Variants in SOAT1 observed in about 807,000 individuals in gnomAD.
The protein encoded by SOAT1 is sterol O-acyltransferase 1, also known as acyl-coenzyme A:cholesterol acyltransferase 1.
SOAT1 carries 55 observed loss-of-function variants against 69.5 expected under a neutral mutation model. That is an observed-to-expected ratio of 0.79 (90% confidence interval 0.64 to 0.99). SOAT1 has a LOEUF of 0.99. Among genes scored for constraint, SOAT1 ranks in the 50% least tolerant of loss-of-function variants. The pLI is 0.00. For synonymous variants in SOAT1, 231 were observed against 224.7 expected, an observed-to-expected ratio of 1.03 and a Z score of -0.25; for missense variants, 580 against 669.3, an observed-to-expected ratio of 0.87 and a Z score of 1.47.
chr1:179,342,307 CTTTT>C (rs1188656810), intron 8 of SOAT1, 115 bp downstream of exon 8: 1 of 600,524 alleles, frequency 1.7e-6, no homozygotes, highest in African/African-American at 2.0e-5. Context: ...CTCCCTCTCT[CTTTT>C]TCTCTTTCTC....
At chr1:179,338,242 G>A (rs969705776) in intron 5 of SOAT1, among the ~76,000 whole-genome samples, 1 of 152,028 alleles carries the variant, frequency 6.6e-6, no homozygotes, top group African/African-American at 2.4e-5. Context: ...CAAAAAATTA[G>A]CCAGGCTTGG....
intron 5 of SOAT1, among the ~76,000 whole-genome samples, chr1:179,338,601 T>C (rs1445419368): frequency 6.6e-6 from 1 of 152,176 alleles, no homozygotes; most frequent in East Asian, 1.9e-4. Context: ...TCTGTTACAC[T>C]GTAGTTTGAA....
chr1:179,300,470 A>G (rs1338623869), intron 1 of SOAT1, among the ~76,000 whole-genome samples: 1 of 152,118 alleles, frequency 6.6e-6, no homozygotes, highest in Non-Finnish European at 1.5e-5. Flanking sequence ...ATATCATAAC[A>G]TTTCTACTTG....
chr1:179,338,418 C>G (rs1000042421), intron 5 of SOAT1, among the ~76,000 whole-genome samples: 8 of 151,938 alleles, frequency 5.3e-5, no homozygotes, highest in African/African-American at 1.9e-4. Flanking sequence ...GCAAGGCTGT[C>G]TCAATAAAAA....
At position 179,357,910 on chromosome 1, in the gene SOAT1, A is replaced by G. The variant is rs948921430; in HGVS notation, c.*4269A>G. 5.3e-5 allele frequency: 8 copies of G among 151,904 alleles called. No individual in the cohort carries two copies. The highest frequency in any genetic ancestry group is 1.9e-4 in the African/African-American group (8 of 41,398). 9.4% of individuals were successfully genotyped at this position (151,904 alleles called of 1,614,324 possible). On this transcript the variant is annotated 3_prime_UTR_variant, in exon 16 of 16. Transcript: ENST00000367619. ...TCCCAGTTCCCTCCATTTCAGAGCC[A>G]TGGGCAACAGAGCGAGACCCTGTCT... is the stretch of plus-strand genomic sequence containing the variant.
chr1:179,345,659 G>A (rs1224657637), intron 11 of SOAT1, among the ~76,000 whole-genome samples: 1 of 151,628 alleles, frequency 6.6e-6, no homozygotes, highest in Non-Finnish European at 1.5e-5. Context: ...TCTGGGGCTC[G>A]AGTGATCCTC....
intron 8 of SOAT1, among the ~76,000 whole-genome samples, chr1:179,342,465 A>G (rs1396192011): frequency 6.6e-6 from 1 of 152,020 alleles, no homozygotes; most frequent in Non-Finnish European, 1.5e-5. Flanking sequence ...TCAAATATAT[A>G]TTATCCATAT....
chr1:179,322,392 C>CT (rs1400133645), intron 2 of SOAT1, among the ~76,000 whole-genome samples: 6 of 148,122 alleles, frequency 4.1e-5, no homozygotes, highest in East Asian at 2.0e-4. Context: ...TTCTTTTTTT[C>CT]TTTTTTTTGA....
chr1:179,349,978 T>C (rs1057151273), intron 13 of SOAT1, among the ~76,000 whole-genome samples: 4 of 152,218 alleles, frequency 2.6e-5, no homozygotes, highest in Non-Finnish European at 5.9e-5. Context: ...CCATCTACCA[T>C]ACAGTGTTAC....
intron 11 of SOAT1, among the ~76,000 whole-genome samples, chr1:179,346,689 G>A (rs75564783): frequency 9.9e-5 from 15 of 152,274 alleles, no homozygotes; most frequent in African/African-American, 3.6e-4. Flanking sequence ...TTTGTTTGGA[G>A]TGGCATTCTT....
At chr1:179,294,456 T>C (rs1398054538) in intron 1 of SOAT1, 1 of 152,226 alleles carries the variant, frequency 6.6e-6, no homozygotes, top group Non-Finnish European at 1.5e-5. Context: ...ATAATATGTA[T>C]ATTGAAAGGT....
Position 179,348,937 on chromosome 1 carries a change from C to T in SOAT1, c.1309C>T (p.Leu437Phe). 1 of 1,556,514 alleles carries T rather than the reference C, an allele frequency of 6.4e-7. No individual in the cohort carries two copies. The highest frequency in any genetic ancestry group is 8.9e-7 in the Non-Finnish European group (1 of 1,128,014). Reference sequence around the variant, plus strand: ...ATATTACTATGCTTACAAGGACTTTCTCTGGGTAAGTAGCAAGGTTTAAGT... The same window carrying T: ...ATATTACTATGCTTACAAGGACTTTTTCTGGGTAAGTAGCAAGGTTTAAGT... ...WLYYYAYKDF[L>F]WFFSKRFKSA... Residue 437 changes from leucine (L) to phenylalanine (F), a missense_variant, in exon 13 of 16, where the codon CTC (leucine) becomes TTC (phenylalanine). By Grantham distance (22) the Leu-to-Phe change is conservative (BLOSUM62 0). Transcript: ENST00000367619.
At chr1:179,338,203 A>G (rs1376634025) in intron 5 of SOAT1, among the ~76,000 whole-genome samples, 4 of 152,234 alleles carry the variant, frequency 2.6e-5, no homozygotes, top group African/African-American at 9.6e-5. Flanking sequence ...AGTTTGGGCA[A>G]CACGGCAAGT....
chr1:179,309,348 C>T (rs536557951), intron 2 of SOAT1, among the ~76,000 whole-genome samples: 23 of 152,304 alleles, frequency 1.5e-4, no homozygotes, highest in Admixed American at 1.3e-3. Context: ...TCCCAAAGTG[C>T]TGGGATTACA....
chr1:179,305,495 G>T (rs199786744), intron 2 of SOAT1, among the ~76,000 whole-genome samples: 1 of 40,492 alleles, frequency 2.5e-5, no homozygotes, highest in African/African-American at 5.9e-5. Context: ...TATTTATTTT[G>T]GGGGGGTTAT....
At chr1:179,308,163 C>G (rs890780404) in intron 2 of SOAT1, among the ~76,000 whole-genome samples, 1 of 152,108 alleles carries the variant, frequency 6.6e-6, no homozygotes, top group Non-Finnish European at 1.5e-5. Flanking sequence ...TTTATAATCT[C>G]CTGTTGTATA....
At chr1:179,310,264 A>AATTT in intron 2 of SOAT1, among the ~76,000 whole-genome samples, 1 of 13,966 alleles carries the variant, frequency 7.2e-5, no homozygotes, top group African/African-American at 2.6e-4. Context: ...AGAAAACATG[A>AATTT]CTTTTTTTTT....
chr1:179,353,209 A>ATATATATATATT (rs1553248878), intron 15 of SOAT1, among the ~76,000 whole-genome samples: 5 of 55,458 alleles, frequency 9.0e-5, no homozygotes, highest in African/African-American at 1.4e-4. Flanking sequence ...TTATATATAA[A>ATATATATATATT]TATATATATA....
chr1:179,333,769 G>C (rs187716144), intron 3 of SOAT1, among the ~76,000 whole-genome samples: 93 of 149,028 alleles, frequency 6.2e-4, no homozygotes, highest in African/African-American at 2.0e-3. Context: ...GGAGGTGGAG[G>C]TTGCGGTGAG....
Sources: allele counts gnomAD v4.1 joint callset (sites outside exome capture counted in the v4.1 genomes callset), GRCh38; gene constraint gnomAD v4.1.1; transcripts MANE v1.5; gene names NCBI Gene and HGNC (gene_info 2026-07-23, HGNC 2026-07-21).